PTPRG: variants seen among roughly 807,000 people sequenced by gnomAD.
PTPRG encodes the protein receptor-type tyrosine-protein phosphatase gamma.
PTPRG carries 102 observed loss-of-function variants against 165.3 expected under a neutral mutation model. The ratio of observed to expected loss-of-function variants is 0.62; its 90% CI spans 0.53 to 0.73. PTPRG has a LOEUF of 0.73. Among genes scored for constraint, PTPRG ranks in the 30% least tolerant of loss-of-function variants. The pLI is 0.00. For missense variants in PTPRG, 1,866 were observed against 1,861.4 expected (o/e 1.00, Z -0.05); for synonymous variants, 675 against 669.5 (o/e 1.01, Z -0.13).
intron 5 of PTPRG, among the ~76,000 whole-genome samples, chr3:62,119,273 A>G (rs768164781): frequency 6.6e-6 from 1 of 152,238 alleles, no homozygotes; most frequent in African/African-American, 2.4e-5. Flanking sequence ...TTAGGAATTG[A>G]CAAACAGACT....
At chr3:61,867,895 TG>T (rs1345109098) in intron 2 of PTPRG, among the ~76,000 whole-genome samples, 4 of 152,124 alleles carry the variant, frequency 2.6e-5, no homozygotes, top group African/African-American at 4.8e-5. Context: ...TTGTAAAGCT[TG>T]GGTGCAGTGG....
intron 5 of PTPRG, among the ~76,000 whole-genome samples, chr3:62,080,247 TG>T (rs1349108663): frequency 6.6e-6 from 1 of 151,304 alleles, no homozygotes; most frequent in Non-Finnish European, 1.5e-5. Context: ...TTTTTTTTTT[TG>T]TATTTTTAGT....
intron 2 of PTPRG, among the ~76,000 whole-genome samples, chr3:61,894,909 G>C (rs2038310213): frequency 1.3e-5 from 2 of 152,040 alleles, no homozygotes; most frequent in African/African-American, 4.8e-5. Flanking sequence ...TCTCTGTCAG[G>C]AGTTTGAATC....
chr3:61,906,418 T>C (rs529419269), intron 2 of PTPRG, among the ~76,000 whole-genome samples: 1 of 151,234 alleles, frequency 6.6e-6, no homozygotes, highest in Non-Finnish European at 1.5e-5. Flanking sequence ...ATCATGCCAT[T>C]GCATTCCAGC....
intron 1 of PTPRG, among the ~76,000 whole-genome samples, chr3:61,693,737 G>A (rs1000893348): frequency 6.6e-6 from 1 of 152,140 alleles, no homozygotes; most frequent in Non-Finnish European, 1.5e-5. Context: ...CGGGTGCAGC[G>A]GCTCACGCCT....
At chr3:62,128,863 G>A (rs987169818) in intron 5 of PTPRG, among the ~76,000 whole-genome samples, 2 of 151,724 alleles carry the variant, frequency 1.3e-5, no homozygotes, top group African/African-American at 4.8e-5. Flanking sequence ...TTGAAACAGT[G>A]AGTGAAAGGG....
intron 1 of PTPRG, among the ~76,000 whole-genome samples, chr3:61,680,524 A>AAC (rs1703398944): frequency 6.6e-6 from 1 of 150,940 alleles, no homozygotes; most frequent in Admixed American, 6.6e-5. Context: ...AAAAACACAA[A>AAC]AAAACAGCAT....
chr3:62,016,684 T>A (rs1185430323), intron 4 of PTPRG, among the ~76,000 whole-genome samples: 1 of 152,224 alleles, frequency 6.6e-6, no homozygotes, highest in African/African-American at 2.4e-5. Flanking sequence ...ACACTTGGAT[T>A]GCATTACATT....
At chr3:61,965,808 G>A (rs2040257549) in intron 2 of PTPRG, among the ~76,000 whole-genome samples, 1 of 152,252 alleles carries the variant, frequency 6.6e-6, no homozygotes, top group African/African-American at 2.4e-5. Flanking sequence ...CAGATGAAGA[G>A]TTTAGGTAAC....
chr3:61,701,188 T>A (rs565297527), intron 1 of PTPRG, among the ~76,000 whole-genome samples: 46 of 152,294 alleles, frequency 3.0e-4, no homozygotes, highest in African/African-American at 1.1e-3. Context: ...CCTGTGGTGA[T>A]TAATTAGGTT....
At chr3:61,824,016 C>T (rs1480096627) in intron 2 of PTPRG, among the ~76,000 whole-genome samples, 1 of 151,888 alleles carries the variant, frequency 6.6e-6, no homozygotes, top group African/African-American at 2.4e-5. Flanking sequence ...CCCAGCTACT[C>T]AAGAGGCTGA....
intron 2 of PTPRG, chr3:61,771,543 CT>C (rs1351825041): frequency 6.6e-6 from 1 of 152,108 alleles, no homozygotes; most frequent in East Asian, 1.9e-4. Flanking sequence ...TATTTGAAAT[CT>C]TTGGCATCCC....
At chr3:61,801,350 C>G (rs144681718) in intron 2 of PTPRG, among the ~76,000 whole-genome samples, 8 of 151,112 alleles carry the variant, frequency 5.3e-5, no homozygotes, top group African/African-American at 1.9e-4. Context: ...GCTCTGTCAC[C>G]CAGGCTGGAG....
chr3:61,762,720 G>C (rs1375146660), intron 2 of PTPRG, among the ~76,000 whole-genome samples: 3 of 152,102 alleles, frequency 2.0e-5, no homozygotes, highest in Admixed American at 6.5e-5. Flanking sequence ...ATTTGTTTTT[G>C]GATCAGTTTT....
intron 1 of PTPRG, among the ~76,000 whole-genome samples, chr3:61,726,814 G>A (rs569666573): frequency 3.0e-4 from 45 of 152,256 alleles, no homozygotes; most frequent in Non-Finnish European, 3.2e-4. Context: ...TTGGGAGGCC[G>A]AGGCGGGCGG....
At chr3:61,908,041 A>G (rs1327262729) in intron 2 of PTPRG, among the ~76,000 whole-genome samples, 1 of 145,814 alleles carries the variant, frequency 6.9e-6, no homozygotes, top group Non-Finnish European at 1.5e-5. Flanking sequence ...GGATGGCTTG[A>G]GCCCAAGAGT....
intron 2 of PTPRG, among the ~76,000 whole-genome samples, chr3:61,854,524 A>C (rs1575724407): frequency 6.6e-6 from 1 of 152,360 alleles, no homozygotes; most frequent in East Asian, 1.9e-4. Flanking sequence ...CAGTGTGTAC[A>C]CATACATATT....
At position 62,296,410 on chromosome 3, in the gene PTPRG, T is replaced by C. The variant is rs1421639909; in HGVS notation, c.*3103T>C. On this transcript the variant is annotated 3_prime_UTR_variant, in exon 30 of 30. Coordinates refer to ENST00000474889, the MANE Select transcript of PTPRG (RefSeq NM_002841.4). The stretch of plus-strand genomic sequence containing the variant: ...GCACAACTGCCTTGTTATGAATTTT[T>C]CTTAAATGCATATATACTGTATTTA... 6.6e-6 allele frequency: 1 copy of C among 151,962 alleles called. No individual in the cohort carries two copies. 9.4% of individuals were successfully genotyped at this position (151,962 alleles called of 1,614,324 possible).
At chr3:61,672,172 A>C (rs1275067955) in intron 1 of PTPRG, among the ~76,000 whole-genome samples, 7 of 125,056 alleles carry the variant, frequency 5.6e-5, no homozygotes, top group Non-Finnish European at 8.5e-5. Flanking sequence ...GGCGGCCGGG[A>C]AGAGGCGCTC....
Sources: gnomAD v4.1 joint callset for allele counts (sites outside exome capture counted in the v4.1 genomes callset) on GRCh38, gnomAD v4.1.1 for gene constraint, MANE v1.5 for transcripts, NCBI Gene and HGNC (gene_info 2026-07-23, HGNC 2026-07-21) for gene names.